RTN4RL1: variants seen among roughly 807,000 people sequenced by gnomAD.
RTN4RL1 encodes the protein reticulon 4 receptor like 1.
A neutral mutation model predicts 25.6 loss-of-function variants in RTN4RL1; 7 were observed. That is an observed-to-expected ratio of 0.27 (90% confidence interval 0.16 to 0.51). The LOEUF is 0.51. Ranked by LOEUF, RTN4RL1 falls within the 20% of genes least tolerant of loss-of-function variation. RTN4RL1 has a pLI of 0.97. For missense variants in RTN4RL1, 500 were observed against 615.6 expected (o/e 0.81, Z 1.99); for synonymous variants, 297 against 288.2 (o/e 1.03, Z -0.31).
At chr17:2,017,596 T>C (rs2065270321) in intron 1 of RTN4RL1, 1 of 152,240 alleles carries the variant, frequency 6.6e-6, no homozygotes, top group Non-Finnish European at 1.5e-5. Flanking sequence ...TCTGGTGCAC[T>C]AGGGTGTCCT....
chr17:1,999,873 C>G (rs1045568824), intron 1 of RTN4RL1, among the ~76,000 whole-genome samples: 13 of 152,256 alleles, frequency 8.5e-5, no homozygotes, highest in African/African-American at 1.9e-4. Flanking sequence ...TGCCTCTTCT[C>G]GCCTCTCCTC....
At chr17:1,985,195 C>T (rs2151317556) in intron 1 of RTN4RL1, among the ~76,000 whole-genome samples, 1 of 152,314 alleles carries the variant, frequency 6.6e-6, no homozygotes, top group South Asian at 2.1e-4. Flanking sequence ...TGAACCTGGG[C>T]CTGCTGGACT....
At chr17:2,012,443 C>T (rs572984683) in intron 1 of RTN4RL1, among the ~76,000 whole-genome samples, 2 of 152,324 alleles carry the variant, frequency 1.3e-5, no homozygotes, top group South Asian at 2.1e-4. Context: ...ACTAATGAGA[C>T]GTGCGTTTTC....
At chr17:1,976,324 C>T (rs914050123) in intron 1 of RTN4RL1, among the ~76,000 whole-genome samples, 2 of 152,250 alleles carry the variant, frequency 1.3e-5, no homozygotes, top group Non-Finnish European at 2.9e-5. Flanking sequence ...GAAGAGGTGT[C>T]GGCCCATGGC....
intron 1 of RTN4RL1, among the ~76,000 whole-genome samples, chr17:1,992,668 G>A (rs959133108): frequency 6.6e-6 from 1 of 152,260 alleles, no homozygotes; most frequent in African/African-American, 2.4e-5. Context: ...TGATTCAAAG[G>A]CACTGAAGTG....
intron 1 of RTN4RL1, among the ~76,000 whole-genome samples, chr17:2,004,355 G>A (rs547460291): frequency 6.4e-4 from 81 of 126,030 alleles, no homozygotes; most frequent in Admixed American, 7.3e-4. Flanking sequence ...GCAACAGAGC[G>A]AGACTCTGTC....
chr17:1,996,928 C>A (rs1448122481), intron 1 of RTN4RL1, among the ~76,000 whole-genome samples: 1 of 152,172 alleles, frequency 6.6e-6, no homozygotes, highest in African/African-American at 2.4e-5. Flanking sequence ...GGGGCCCTGC[C>A]AGCTGCAGAT....
intron 1 of RTN4RL1, among the ~76,000 whole-genome samples, chr17:1,986,211 T>G (rs1419613560): frequency 6.6e-6 from 1 of 152,074 alleles, no homozygotes; most frequent in Non-Finnish European, 1.5e-5. Context: ...TACCAAGTGC[T>G]CGGCACCCTG....
At chr17:2,011,842 T>C (rs964440361) in intron 1 of RTN4RL1, among the ~76,000 whole-genome samples, 2 of 152,108 alleles carry the variant, frequency 1.3e-5, no homozygotes, top group Non-Finnish European at 2.9e-5. Flanking sequence ...GTGTGAGTGG[T>C]AAAATGTCCC....
At chr17:1,993,874 T>C (rs2066919493) in intron 1 of RTN4RL1, among the ~76,000 whole-genome samples, 1 of 152,206 alleles carries the variant, frequency 6.6e-6, no homozygotes, top group Non-Finnish European at 1.5e-5. Flanking sequence ...CAAATTACTT[T>C]TGGCCTTTTC....
intron 1 of RTN4RL1, among the ~76,000 whole-genome samples, chr17:1,969,462 A>T (rs1043791118): frequency 6.6e-6 from 1 of 152,052 alleles, no homozygotes; most frequent in African/African-American, 2.4e-5. Context: ...TTTTGTCCCC[A>T]CTTCTAACTT....
At chr17:1,966,007 C>T (rs1234343642) in intron 1 of RTN4RL1, among the ~76,000 whole-genome samples, 1 of 152,142 alleles carries the variant, frequency 6.6e-6, no homozygotes, top group Non-Finnish European at 1.5e-5. Flanking sequence ...CTCGCTGACA[C>T]AGCCAAGACA....
At chr17:2,016,521 C>T (rs1457485378) in intron 1 of RTN4RL1, among the ~76,000 whole-genome samples, 1 of 152,192 alleles carries the variant, frequency 6.6e-6, no homozygotes, top group East Asian at 1.9e-4. Context: ...CGAACACAGC[C>T]CCAGGGTGCC....
intron 1 of RTN4RL1, among the ~76,000 whole-genome samples, chr17:1,939,585 C>A (rs1034400780): frequency 6.6e-6 from 1 of 152,120 alleles, no homozygotes; most frequent in South Asian, 2.1e-4. Flanking sequence ...CCTTGCCTCT[C>A]GACTGTCCAG....
chr17:1,967,433 G>C (rs2066796861), intron 1 of RTN4RL1, among the ~76,000 whole-genome samples: 1 of 151,832 alleles, frequency 6.6e-6, no homozygotes, highest in Admixed American at 6.6e-5. Flanking sequence ...CTCAGATCAA[G>C]CCTCTCCCCT....
At chr17:1,966,146 A>AT (rs370771909) in intron 1 of RTN4RL1, among the ~76,000 whole-genome samples, 99 of 152,162 alleles carry the variant, frequency 6.5e-4, no homozygotes, top group African/African-American at 1.5e-3. Context: ...GACAGATGGA[A>AT]TTTTCCCCAC....
chr17:1,974,938 G>C (rs1213477172), intron 1 of RTN4RL1, among the ~76,000 whole-genome samples: 1 of 152,222 alleles, frequency 6.6e-6, no homozygotes, highest in Non-Finnish European at 1.5e-5. Context: ...GAACAAGCCT[G>C]CACTGAAACT....
intron 1 of RTN4RL1, among the ~76,000 whole-genome samples, chr17:1,968,572 T>C (rs1013201567): frequency 2.6e-5 from 4 of 152,256 alleles, no homozygotes; most frequent in African/African-American, 9.6e-5. Flanking sequence ...AACACTCATC[T>C]GCAGTCAGGA....
intron 1 of RTN4RL1, among the ~76,000 whole-genome samples, chr17:1,951,244 G>A (rs927862889): frequency 2.0e-5 from 3 of 151,164 alleles, no homozygotes; most frequent in African/African-American, 7.3e-5. Flanking sequence ...CAGCCTGGGC[G>A]ACAGAGCGAG....
Sources: gnomAD v4.1 joint callset for allele counts (sites outside exome capture counted in the v4.1 genomes callset) on GRCh38, gnomAD v4.1.1 for gene constraint, MANE v1.5 for transcripts, NCBI Gene and HGNC (gene_info 2026-07-23, HGNC 2026-07-21) for gene names.